Variants in DCC observed in about 807,000 individuals in gnomAD.
DCC encodes DCC netrin 1 receptor, also known as netrin receptor DCC.
In DCC, 58 loss-of-function variants were observed where a neutral mutation model predicts 172.5. The observed-to-expected ratio is 0.34, with a 90% CI of 0.27 to 0.42. The LOEUF (loss-of-function observed/expected upper bound fraction) is 0.42. DCC is among the 10% of genes least tolerant of loss of function. The probability of loss-of-function intolerance (pLI) is 1.00; values close to 1 mark genes in which losing one functional copy is unlikely to be tolerated. For missense variants in DCC, 1,740 were observed against 1,791.0 expected (o/e 0.97, Z 0.51); for synonymous variants, 709 against 644.5 (o/e 1.10, Z -1.52).
chr18:53,089,601 A>C (rs1256546104), intron 7 of DCC, among the ~76,000 whole-genome samples: 1 of 151,912 alleles, frequency 6.6e-6, no homozygotes, highest in South Asian at 2.1e-4. Flanking sequence ...AAAACAAAAA[A>C]CAAAAAACAA....
intron 1 of DCC, among the ~76,000 whole-genome samples, chr18:52,577,710 A>G (rs2033448668): frequency 6.6e-6 from 1 of 152,220 alleles, no homozygotes. Context: ...AGAAAAATGC[A>G]GGAAGATTGC....
intron 26 of DCC, among the ~76,000 whole-genome samples, chr18:53,495,387 C>G (rs1398315045): frequency 4.6e-5 from 2 of 43,914 alleles, no homozygotes; most frequent in African/African-American, 1.7e-4. Context: ...AAGACTCCAT[C>G]TCAAAAAAAA....
At chr18:52,361,417 C>T (rs1598861461) in intron 1 of DCC, among the ~76,000 whole-genome samples, 1 of 152,036 alleles carries the variant, frequency 6.6e-6, no homozygotes, top group Non-Finnish European at 1.5e-5. Context: ...AAAGAAATAT[C>T]GTGGAAAAAG....
chr18:53,405,108 C>T (rs1909577204), intron 19 of DCC, among the ~76,000 whole-genome samples: 1 of 149,806 alleles, frequency 6.7e-6, no homozygotes, highest in Admixed American at 6.7e-5. Flanking sequence ...ATAAAATATT[C>T]AAAATACTAC....
intron 8 of DCC, among the ~76,000 whole-genome samples, chr18:53,166,705 T>C (rs1288949222): frequency 1.3e-5 from 2 of 152,192 alleles, no homozygotes; most frequent in African/African-American, 4.8e-5. Flanking sequence ...ATTTATCCTT[T>C]TTAACAATTC....
At chr18:52,993,691 G>A (rs937557358) in intron 5 of DCC, among the ~76,000 whole-genome samples, 1 of 152,030 alleles carries the variant, frequency 6.6e-6, no homozygotes, top group African/African-American at 2.4e-5. Flanking sequence ...ATATGGATTG[G>A]GGACACATAG....
intron 1 of DCC, among the ~76,000 whole-genome samples, chr18:52,517,090 C>T (rs375360324): frequency 1.9e-4 from 29 of 152,340 alleles, no homozygotes; most frequent in African/African-American, 6.7e-4. Flanking sequence ...ACTCTACACT[C>T]ATTTCAGGAA....
chr18:53,182,144 TA>T (rs1448422091), intron 9 of DCC, among the ~76,000 whole-genome samples: 1 of 152,238 alleles, frequency 6.6e-6, no homozygotes, highest in African/African-American at 2.4e-5. Flanking sequence ...CCTAACTGAA[TA>T]AAACATGCTG....
At chr18:52,698,653 C>T (rs981155393) in intron 1 of DCC, among the ~76,000 whole-genome samples, 1 of 151,916 alleles carries the variant, frequency 6.6e-6, no homozygotes, top group Admixed American at 6.6e-5. Context: ...AGTGCAATGG[C>T]ACAATCACAA....
intron 2 of DCC, among the ~76,000 whole-genome samples, chr18:52,835,789 C>T (rs1412503324): frequency 6.6e-6 from 1 of 152,094 alleles, no homozygotes; most frequent in Non-Finnish European, 1.5e-5. Context: ...TTGACAAAAA[C>T]TTCTTTGATA....
At chr18:52,728,174 T>A (rs1023580900) in intron 1 of DCC, among the ~76,000 whole-genome samples, 1 of 88,924 alleles carries the variant, frequency 1.1e-5, no homozygotes, top group African/African-American at 4.6e-5. Context: ...GTGGGCCCCG[T>A]CTCTCTCTCT....
At chr18:52,951,998 A>G (rs2040655820) in intron 5 of DCC, among the ~76,000 whole-genome samples, 1 of 152,180 alleles carries the variant, frequency 6.6e-6, no homozygotes, top group Admixed American at 6.5e-5. Context: ...TGCTGGGTCT[A>G]TAGATGTAGA....
At position 53,318,752 on chromosome 18, in the gene DCC, GTTT is replaced by G. The variant is rs57810228; in HGVS notation, c.2054-3278_2054-3276del. 3.0e-3 allele frequency among the ~76,000 whole-genome samples: 396 copies of G among 132,124 alleles called. 4 individuals carry two copies. Among genetic ancestry groups the G allele is most frequent in the East Asian group, 0.011 (47 of 4,300 alleles). 86.7% of individuals were successfully genotyped at this position (132,124 alleles called of 152,430 possible). A position where few individuals can be genotyped will look rare whatever the true frequency, so the allele number is the denominator to read the frequency against. ...ATTATATAATGCCCTTCTTCGTTGG[GTTT>G]TTTTTTTTTTTTTTTTGTGATCTTT... On this transcript the variant is annotated intron_variant, in intron 13 of 28. Coordinates refer to ENST00000442544, the MANE Select transcript of DCC (RefSeq NM_005215.4).
chr18:53,176,683 G>A (rs1322279600), intron 8 of DCC, among the ~76,000 whole-genome samples: 1 of 151,878 alleles, frequency 6.6e-6, no homozygotes, highest in South Asian at 2.1e-4. Context: ...GAAACAACAG[G>A]TGCTGGAGAG....
At chr18:52,868,600 T>C (rs1336091455) in intron 2 of DCC, among the ~76,000 whole-genome samples, 1 of 152,200 alleles carries the variant, frequency 6.6e-6, no homozygotes, top group African/African-American at 2.4e-5. Flanking sequence ...AAATTTAGTT[T>C]ATAGTTAAAT....
rs2046545965 is a variant in DCC at position 53,533,688 on chromosome 18, A to G, written c.*3035A>G. ...CCAGTCATACTTGCCTCTTTGAATA[A>G]CAGAGATATAAGCTTCTAGAATATT... On this transcript the variant is annotated 3_prime_UTR_variant, in exon 29 of 29. Coordinates refer to ENST00000442544, the MANE Select transcript of DCC (RefSeq NM_005215.4). The G allele has an allele frequency of 1.3e-5, 2 of 152,206 alleles. No individual in the cohort carries two copies. Among genetic ancestry groups the G allele is most frequent in the Admixed American group, 6.5e-5 (1 of 15,290 alleles). The allele number at this position is 152,206 out of a possible 1,614,324, so 9.4% of individuals were successfully genotyped here.
rs1240386639 is a variant in DCC at position 53,515,803 on chromosome 18, T to TACAA, written c.4112-10808_4112-10805dup. Among the ~76,000 whole-genome samples the TACAA allele has an allele frequency of 2.6e-5, 4 of 151,620 alleles. No individual in the cohort carries two copies. The East Asian group carries it at 7.7e-4, about 29-fold the overall frequency. On this transcript the variant is annotated intron_variant, in intron 27 of 28. Transcript: ENST00000442544. ...CACTGCTCAAGGAAATAAAAGAGGA[T>TACAA]ACAAACAAATGGAAGAACATTCCAT...
chr18:52,363,347 T>C (rs1984704400), intron 1 of DCC, among the ~76,000 whole-genome samples: 1 of 152,224 alleles, frequency 6.6e-6, no homozygotes, highest in African/African-American at 2.4e-5. Flanking sequence ...TATGAGAATA[T>C]GGAAGTGCCA....
intron 5 of DCC, among the ~76,000 whole-genome samples, chr18:52,992,751 G>A (rs988885995): frequency 4.6e-5 from 7 of 152,046 alleles, no homozygotes; most frequent in African/African-American, 1.7e-4. Flanking sequence ...CAAGGTGGGT[G>A]GATTGCTTCA....
Sources: allele counts gnomAD v4.1 joint callset (sites outside exome capture counted in the v4.1 genomes callset), GRCh38; gene constraint gnomAD v4.1.1; transcripts MANE v1.5; gene names NCBI Gene and HGNC (gene_info 2026-07-23, HGNC 2026-07-21).